The following GALNT10 variants were observed in gnomAD, a reference collection of about 807,000 sequenced individuals.
GALNT10 encodes the protein GalNAc transferase 10.
GALNT10 carries 41 observed loss-of-function variants against 75.0 expected under a neutral mutation model. That is an observed-to-expected ratio of 0.55 (90% CI 0.43 to 0.71). GALNT10 has a LOEUF of 0.71. Among genes scored for constraint, GALNT10 ranks in the 30% least tolerant of loss-of-function variants. GALNT10 has a pLI of 0.00. For missense variants in GALNT10, 727 were observed against 818.5 expected (o/e 0.89, Z 1.36); for synonymous variants, 302 against 313.0 (o/e 0.96, Z 0.37).
chr5:154,321,076 C>T (rs936635162), intron 3 of GALNT10, among the ~76,000 whole-genome samples: 40 of 152,270 alleles, frequency 2.6e-4, no homozygotes, highest in African/African-American at 8.4e-4. Flanking sequence ...AATTATACAG[C>T]GAACACCCAT....
intron 3 of GALNT10, among the ~76,000 whole-genome samples, chr5:154,318,487 CTTCAT>C (rs1754630262): frequency 6.6e-6 from 1 of 151,970 alleles, no homozygotes; most frequent in Admixed American, 6.5e-5. Context: ...TAAATCTGGA[CTTCAT>C]TCCTTGCCAG....
chr5:154,255,858 C>G (rs954312043), intron 1 of GALNT10, among the ~76,000 whole-genome samples: 3 of 151,626 alleles, frequency 2.0e-5, no homozygotes, highest in Non-Finnish European at 4.4e-5. Context: ...CTCCCCTCCC[C>G]TCTCCTCCTC....
At chr5:154,210,205 C>T (rs892469650) in intron 1 of GALNT10, among the ~76,000 whole-genome samples, 1 of 152,176 alleles carries the variant, frequency 6.6e-6, no homozygotes, top group Non-Finnish European at 1.5e-5. Flanking sequence ...CCTACCCACA[C>T]TGTGCCCTCA....
At chr5:154,219,253 C>G (rs1424577289) in intron 1 of GALNT10, among the ~76,000 whole-genome samples, 1 of 152,210 alleles carries the variant, frequency 6.6e-6, no homozygotes, top group Non-Finnish European at 1.5e-5. Context: ...CTTCAGGTGT[C>G]TACTGAGACA....
intron 1 of GALNT10, among the ~76,000 whole-genome samples, chr5:154,237,812 A>G (rs11952152): frequency 0.83 from 125,853 of 152,144 alleles, 52,405 homozygotes; most frequent in East Asian, 0.92. Context: ...CACATCAAGG[A>G]TACCTACTAT....
Position 154,409,625 on chromosome 5 carries a change from G to A in GALNT10, c.1249G>A (p.Ala417Thr), listed in dbSNP as rs375000619. 16 of 1,613,310 alleles carry A rather than the reference G, an allele frequency of 9.9e-6. No individual in the cohort carries two copies. Among genetic ancestry groups the A allele is most frequent in the East Asian group, 2.2e-5 (1 of 44,894 alleles). ...QRRPEYRHLS[A>T]GDVAVQKKLR... ...CCGGCCTGAATACCGCCACCTCTCC[G>A]CTGGGGATGTCGCAGTCCAGAAAAA... The change falls in exon 9 of 12, where the codon GCT becomes ACT. Residue 417 changes from alanine to threonine, a missense_variant. Coordinates refer to ENST00000297107, the MANE Select transcript of GALNT10 (RefSeq NM_198321.4). The surrounding 1 kb of genome is among the most constrained non-coding windows in gnomAD (Gnocchi z 4.5).
chr5:154,201,056 TG>T (rs1473073278), intron 1 of GALNT10, among the ~76,000 whole-genome samples: 1 of 152,204 alleles, frequency 6.6e-6, no homozygotes, highest in Non-Finnish European at 1.5e-5. Flanking sequence ...AAGAATTTGC[TG>T]GATGTGGGAA....
Position 154,314,079 on chromosome 5 carries a change from G to A in GALNT10, c.402-15493G>A, listed in dbSNP as rs74705670. 2.6e-4 allele frequency among the ~76,000 whole-genome samples: 39 copies of A among 152,254 alleles called. No homozygotes were observed. In the East Asian group the frequency reaches 5.0e-3, roughly 20 times the overall value. On this transcript the variant is annotated intron_variant, in intron 3 of 11. Coordinates refer to ENST00000297107, the MANE Select transcript of GALNT10 (RefSeq NM_198321.4). Reference sequence around the variant, plus strand: ...CATTTGCTGGAAAATGACCTATACCGTGGCCTCTGTAAAGTGGAAACTAAA... The same window carrying A: ...CATTTGCTGGAAAATGACCTATACCATGGCCTCTGTAAAGTGGAAACTAAA...
intron 1 of GALNT10, among the ~76,000 whole-genome samples, chr5:154,272,815 G>C (rs999153789): frequency 2.0e-5 from 3 of 152,234 alleles, no homozygotes; most frequent in Non-Finnish European, 2.9e-5. Flanking sequence ...CTCTATGGGA[G>C]AAAGAGGCTC....
chr5:154,223,619 A>G (rs985986370), intron 1 of GALNT10, among the ~76,000 whole-genome samples: 1 of 152,214 alleles, frequency 6.6e-6, no homozygotes, highest in Non-Finnish European at 1.5e-5. Context: ...CAGAAAGGGA[A>G]TAACAATTGG....
chr5:154,410,639 G>C lies in GALNT10; in HGVS notation c.1386+877G>C, dbSNP rs146572592. Among the ~76,000 whole-genome samples the C allele has an allele frequency of 2.6e-5, 4 of 152,316 alleles. No individual in the cohort carries two copies. The East Asian group carries it at 7.7e-4, about 29-fold the overall frequency. On this transcript the variant is annotated intron_variant, in intron 9 of 11. Transcript: ENST00000297107. ...ACGGGGCAGTAACGCAAGTAAGAAAGAACATGACAGGACTTGTTGGTCGTT... is the reference window on the plus strand; with the variant it reads ...ACGGGGCAGTAACGCAAGTAAGAAACAACATGACAGGACTTGTTGGTCGTT...
chr5:154,355,636 G>A (rs553963321), intron 4 of GALNT10, among the ~76,000 whole-genome samples: 11 of 151,372 alleles, frequency 7.3e-5, no homozygotes, highest in Admixed American at 2.6e-4. Flanking sequence ...TGATTTTTTT[G>A]GTATCCTATT....
intron 1 of GALNT10, among the ~76,000 whole-genome samples, chr5:154,259,004 C>T (rs1753658742): frequency 1.3e-5 from 2 of 152,180 alleles, no homozygotes; most frequent in African/African-American, 4.8e-5. Context: ...CTAATGTTAA[C>T]ATCCTACATA....
chr5:154,306,120 TAGAC>T (rs1754429201), intron 3 of GALNT10, among the ~76,000 whole-genome samples: 1 of 152,158 alleles, frequency 6.6e-6, no homozygotes, highest in Non-Finnish European at 1.5e-5. Context: ...GTAATACAGA[TAGAC>T]AGAAAATCAG....
chr5:154,242,958 A>G (rs965587624), intron 1 of GALNT10, among the ~76,000 whole-genome samples: 1 of 152,144 alleles, frequency 6.6e-6, no homozygotes, highest in Non-Finnish European at 1.5e-5. Context: ...AGCTTAAATT[A>G]CTTTCCTAAG....
At chr5:154,260,662 T>C (rs550184624) in intron 1 of GALNT10, among the ~76,000 whole-genome samples, 2 of 152,316 alleles carry the variant, frequency 1.3e-5, no homozygotes, top group Middle Eastern at 3.4e-3. Context: ...GAAATAACTT[T>C]TAAAAGCATA....
At chr5:154,206,041 A>T (rs1477059042) in intron 1 of GALNT10, among the ~76,000 whole-genome samples, 2 of 152,074 alleles carry the variant, frequency 1.3e-5, no homozygotes, top group Admixed American at 6.5e-5. Context: ...GTGTGTGTGT[A>T]TGAGTGTGTC....
chr5:154,316,699 G>C (rs559278004), intron 3 of GALNT10, among the ~76,000 whole-genome samples: 1 of 152,320 alleles, frequency 6.6e-6, no homozygotes, highest in East Asian at 1.9e-4. Flanking sequence ...TCTTAGCATA[G>C]TGTCTGTCAC....
intron 4 of GALNT10, among the ~76,000 whole-genome samples, chr5:154,375,559 G>A (rs184412395): frequency 4.6e-5 from 7 of 152,274 alleles, no homozygotes; most frequent in East Asian, 1.9e-4. Flanking sequence ...CTTCAGGCAC[G>A]TGAGTCTAGG....
Sources: gnomAD v4.1 joint callset for allele counts (sites outside exome capture counted in the v4.1 genomes callset) on GRCh38, gnomAD v4.1.1 for gene constraint, Gnocchi (gnomAD v3.1) non-coding constraint, MANE v1.5 for transcripts, NCBI Gene and HGNC (gene_info 2026-07-23, HGNC 2026-07-21) for gene names.